The following LPAR5 variants were observed in gnomAD, a reference collection of about 807,000 sequenced individuals.
LPAR5 encodes lysophosphatidic acid receptor 5, also known as G protein-coupled receptor 92.
For synonymous variants in LPAR5, 271 were observed against 261.6 expected, an observed-to-expected ratio of 1.04 and a Z score of -0.35; for missense variants, 544 against 521.8, an observed-to-expected ratio of 1.04 and a Z score of -0.41.
chr12:6,621,818 G>A (rs575628578), intron 1 of LPAR5, among the ~76,000 whole-genome samples: 132 of 152,028 alleles, frequency 8.7e-4, no homozygotes, highest in African/African-American at 2.9e-3. Flanking sequence ...GCAACACGGC[G>A]AAACCCCATC....
intron 1 of LPAR5, among the ~76,000 whole-genome samples, chr12:6,631,154 C>T (rs972075133): frequency 2.0e-5 from 3 of 152,198 alleles, no homozygotes; most frequent in African/African-American, 4.8e-5. Context: ...GGCTGAAGAA[C>T]GTCGGCACAC....
intron 1 of LPAR5, chr12:6,631,474 T>A (rs1183962290): frequency 6.6e-6 from 1 of 152,178 alleles, no homozygotes; most frequent in East Asian, 1.9e-4. Context: ...TCCTTCTATA[T>A]CACCCACCCC....
In LPAR5 at chr12:6,619,941, A is replaced by G. The variant is rs778470052; in HGVS notation, c.*189T>C. ...GCTCTGCGTGCTCACAGTTTAAAGA[A>G]GCCATTTCCAGCAGCACTGCCTTCC... On this transcript the variant is annotated 3_prime_UTR_variant, in exon 2 of 2. Coordinates refer to ENST00000329858, the MANE Select transcript of LPAR5 (RefSeq NM_020400.6). 8 of 813,528 alleles carry G rather than the reference A, an allele frequency of 9.8e-6. No homozygotes were observed. The highest frequency in any genetic ancestry group is 1.7e-5 in the Non-Finnish European group (8 of 480,496). 50.4% of individuals were successfully genotyped at this position (813,528 alleles called of 1,614,324 possible).
intron 1 of LPAR5, among the ~76,000 whole-genome samples, chr12:6,624,292 AGAGT>A (rs1485995265): frequency 2.6e-5 from 4 of 152,182 alleles, no homozygotes; most frequent in Non-Finnish European, 4.4e-5. Context: ...CCTGGGAGAC[AGAGT>A]GAGAGTCCGT....
chr12:6,630,884 C>T (rs147221347), intron 1 of LPAR5, among the ~76,000 whole-genome samples: 2 of 152,214 alleles, frequency 1.3e-5, no homozygotes, highest in African/African-American at 4.8e-5. Flanking sequence ...TTCTGCTTCC[C>T]GAGCCCTGGG....
chr12:6,627,224 G>A (rs1221616881), intron 1 of LPAR5, among the ~76,000 whole-genome samples: 3 of 152,152 alleles, frequency 2.0e-5, no homozygotes, highest in Non-Finnish European at 2.9e-5. Context: ...CCCAAGAGGC[G>A]GAGGTTGCAG....
At chr12:6,630,964 G>T (rs1018097709) in intron 1 of LPAR5, among the ~76,000 whole-genome samples, 14 of 152,224 alleles carry the variant, frequency 9.2e-5, no homozygotes, top group Admixed American at 9.2e-4. Flanking sequence ...TGCCAAAAAG[G>T]AGGCTAACAG....
At chr12:6,634,483 AG>A (rs1948999143) in intron 1 of LPAR5, among the ~76,000 whole-genome samples, 3 of 152,026 alleles carry the variant, frequency 2.0e-5, no homozygotes, top group Admixed American at 2.0e-4. Context: ...AAATACAAAA[AG>A]TAGCTGGTTG....
At chr12:6,628,311 G>A (rs1317430821) in intron 1 of LPAR5, among the ~76,000 whole-genome samples, 1 of 151,566 alleles carries the variant, frequency 6.6e-6, no homozygotes, top group African/African-American at 2.4e-5. Flanking sequence ...GTGAGCCACC[G>A]CGCCAGGCCC....
In LPAR5 at chr12:6,620,056, T is replaced by G. The variant is rs1246615580; in HGVS notation, c.*74A>C. ...TCCAAGTGCCCAGCCCACCTTCTTG[T>G]GTGTACACCCTGTAAGCCTCCCAGA... On this transcript the variant is annotated 3_prime_UTR_variant, in exon 2 of 2. Coordinates refer to ENST00000329858, the MANE Select transcript of LPAR5 (RefSeq NM_020400.6). This position sits in a 1 kb window ranked among gnomAD's most constrained non-coding sequence, Gnocchi z 6.8. The G allele has an allele frequency of 6.3e-7, 1 of 1,582,262 alleles. No individual in the cohort carries two copies. Among genetic ancestry groups the G allele is most frequent in the Non-Finnish European group, 8.6e-7 (1 of 1,160,868 alleles).
At chr12:6,626,507 A>G (rs573108778) in intron 1 of LPAR5, among the ~76,000 whole-genome samples, 2 of 152,350 alleles carry the variant, frequency 1.3e-5, no homozygotes, top group South Asian at 2.1e-4. Context: ...GTTAAAGGGA[A>G]TAAAGAAATA....
At chr12:6,626,138 G>T (rs954722293) in intron 1 of LPAR5, among the ~76,000 whole-genome samples, 3 of 152,142 alleles carry the variant, frequency 2.0e-5, no homozygotes, top group Non-Finnish European at 4.4e-5. Context: ...AGGCATAGTG[G>T]CAGGTGCCTG....
At chr12:6,634,460 A>G (rs1259621087) in intron 1 of LPAR5, among the ~76,000 whole-genome samples, 2 of 151,686 alleles carry the variant, frequency 1.3e-5, no homozygotes, top group East Asian at 3.9e-4. Context: ...ACAAACACAC[A>G]CACACCCAAA....
At chr12:6,634,632 C>CA (rs144559093) in intron 1 of LPAR5, among the ~76,000 whole-genome samples, 546 of 5,174 alleles carry the variant, frequency 0.11, 1 homozygote, top group Admixed American at 0.18. Flanking sequence ...GACCCCATCT[C>CA]AAAAAAAAAA....
At position 6,620,368 on chromosome 12, in the gene LPAR5, G is replaced by A. The variant is rs187536858; in HGVS notation, c.881C>T (p.Pro294Leu). The change falls in exon 2 of 2, where the codon CCG becomes CTG. Residue 294 changes from proline (P) to leucine (L), a missense_variant. Pro to Leu is a moderately conservative substitution (Grantham distance 98, BLOSUM62 -3). Transcript: ENST00000329858. This position sits in a 1 kb window ranked among gnomAD's most constrained non-coding sequence, Gnocchi z 6.8. ...LLAGANCVLD[P>L]LVYYFSAEGF... is the part of the protein sequence containing the mutation. ...CTCGGCGCTAAAGTAGTACACCAGC[G>A]GGTCCAGCACGCAGTTGGCGCCGGC... 5 of 1,611,578 alleles carry A rather than the reference G, an allele frequency of 3.1e-6. No homozygotes were observed. The highest frequency in any genetic ancestry group is 1.7e-5 in the Admixed American group (1 of 59,854).
Position 6,618,863 on chromosome 12 carries a change from C to T in LPAR5, c.*1267G>A, listed in dbSNP as rs1948860488. On this transcript the variant is annotated 3_prime_UTR_variant, in exon 2 of 2. Coordinates refer to ENST00000329858, the MANE Select transcript of LPAR5 (RefSeq NM_020400.6). Reference sequence around the variant, plus strand: ...TATCAGTAGTGATTAATTTATTTAGCACTGCCCTCTCCCCACAGTAATAAA... The same window carrying T: ...TATCAGTAGTGATTAATTTATTTAGTACTGCCCTCTCCCCACAGTAATAAA... 1 of 152,218 alleles carries T rather than the reference C, an allele frequency of 6.6e-6. No homozygotes were observed. Among genetic ancestry groups the T allele is most frequent in the African/African-American group, 2.4e-5 (1 of 41,436 alleles). 9.4% of individuals were successfully genotyped at this position (152,218 alleles called of 1,614,324 possible). A position where few individuals can be genotyped will look rare whatever the true frequency, so the allele number is the denominator to read the frequency against.
rs1038840971 is a variant in LPAR5, at chr12:6,621,140, G to T, written c.109C>A (p.Leu37Ile). ...VVYSLVLAAG[L>I]PLNALALWVF... ...CAGAGGGCTAGCGCGTTGAGGGGGA[G>T]CCCGGCAGCCAGCACCAAGCTGTAG... The change falls in exon 2 of 2, where the codon CTC (leucine) becomes ATC (isoleucine). Residue 37 changes from leucine to isoleucine, a missense_variant. Leu to Ile is a conservative substitution (Grantham distance 5). Coordinates refer to ENST00000329858, the MANE Select transcript of LPAR5 (RefSeq NM_020400.6). 23 of 1,599,244 alleles carry T rather than the reference G, an allele frequency of 1.4e-5. No homozygotes were observed. Among genetic ancestry groups the T allele is most frequent in the Non-Finnish European group, 2.0e-5 (23 of 1,172,510 alleles).
intron 1 of LPAR5, among the ~76,000 whole-genome samples, chr12:6,633,156 G>A (rs1370156022): frequency 6.6e-6 from 1 of 152,170 alleles, no homozygotes; most frequent in Non-Finnish European, 1.5e-5. Flanking sequence ...TTGCCATTGT[G>A]CCTCTCCCTT....
Position 6,630,433 on chromosome 12 carries a change from C to CTTTTTTTTTTTTTTTTTT in LPAR5, c.-217+5456_-217+5473dup, listed in dbSNP as rs34529805. Among the ~76,000 whole-genome samples, 35 of 41,826 alleles carry CTTTTTTTTTTTTTTTTTT rather than the reference C, an allele frequency of 8.4e-4. 5 individuals carry two copies. The highest frequency in any genetic ancestry group is 1.5e-3 in the Admixed American group (4 of 2,596). The allele number at this position is 41,826 out of a possible 152,430, so 27.4% of individuals were successfully genotyped here. ...GAGTGAACCACTGCACCCAGCCCATCTTTTTTTTTTTTTTTTTTTTTTTTT... is the reference window on the plus strand; with the variant it reads ...GAGTGAACCACTGCACCCAGCCCATCTTTTTTTTTTTTTTTTTTTTTTTTTTTTTTTTTTTTTTTTTTT... On this transcript the variant is annotated intron_variant, in intron 1 of 1. Transcript: ENST00000329858.
Sources: gnomAD v4.1 joint callset for allele counts (sites outside exome capture counted in the v4.1 genomes callset) on GRCh38, gnomAD v4.1.1 for gene constraint, Gnocchi (gnomAD v3.1) non-coding constraint, MANE v1.5 for transcripts, NCBI Gene and HGNC (gene_info 2026-07-23, HGNC 2026-07-21) for gene names.